The following PRRC2C variants were observed in gnomAD, a reference collection of about 807,000 sequenced individuals.
The protein encoded by PRRC2C is proline rich coiled-coil 2C.
In PRRC2C, 72 loss-of-function variants were observed where a neutral mutation model predicts 317.2. The ratio of observed to expected loss-of-function variants is 0.23; its 90% confidence interval spans 0.19 to 0.28. The LOEUF is 0.28. Among genes scored for constraint, PRRC2C ranks in the 10% least tolerant of loss-of-function variants. The pLI is 1.00. For synonymous variants in PRRC2C, 1,296 were observed against 1,205.9 expected (o/e 1.07, Z -1.55); for missense variants, 3,074 against 3,459.7 (o/e 0.89, Z 2.80).
rs1557970037 is a variant in PRRC2C, at chr1:171,545,648, G to A, written c.4933G>A (p.Val1645Met). 1 of 1,613,184 alleles carries A rather than the reference G, an allele frequency of 6.2e-7. No individual in the cohort carries two copies. The highest frequency in any genetic ancestry group is 2.2e-5 in the East Asian group (1 of 44,866). ...AGGCCCTAAAAAACCAAAAGAGAAA[G>A]TGGATGCTCTATCACAGTTTGATCT... Reference protein sequence around the residue: ...KPGPKKPKEKVDALSQFDLNN... With the variant: ...KPGPKKPKEKMDALSQFDLNN... The change falls in exon 17 of 35, where the codon GTG becomes ATG. Residue 1645 changes from valine (V) to methionine (M), a missense_variant. Val to Met is a conservative substitution (Grantham distance 21). This residue lies in a region of PRRC2C where 178 missense variants were observed against 163.0 expected (regional missense o/e 1.09). Coordinates refer to ENST00000647382, the MANE Select transcript of PRRC2C (RefSeq NM_001387844.1).
rs199711008 is a variant in PRRC2C, at chr1:171,549,073, C to A, written c.4973-1013C>A. On this transcript the variant is annotated intron_variant, in intron 17 of 34. Transcript: ENST00000647382. ...GCCCATAACATATATTTATTTTTAACAACTCCACACTGTAGACAAGGGTCT... is the reference window on the plus strand; with the variant it reads ...GCCCATAACATATATTTATTTTTAAAAACTCCACACTGTAGACAAGGGTCT... Among the ~76,000 whole-genome samples, 3 of 152,326 alleles carry A rather than the reference C, an allele frequency of 2.0e-5. No individual in the cohort carries two copies. In the East Asian group the frequency reaches 5.8e-4, roughly 29 times the overall value.
chr1:171,582,464 T>C (rs1411304731), intron 28 of PRRC2C, among the ~76,000 whole-genome samples: 1 of 152,160 alleles, frequency 6.6e-6, no homozygotes, highest in Non-Finnish European at 1.5e-5. Flanking sequence ...TTCTGAAGTA[T>C]GCATCCTTTT....
chr1:171,502,884 G>A (rs550771414), intron 1 of PRRC2C, among the ~76,000 whole-genome samples: 4 of 152,034 alleles, frequency 2.6e-5, no homozygotes, highest in African/African-American at 4.8e-5. Flanking sequence ...CCACACACCC[G>A]GCTAGTTTTT....
chr1:171,544,644 C>T (rs1474943201), intron 16 of PRRC2C, among the ~76,000 whole-genome samples: 4 of 152,104 alleles, frequency 2.6e-5, no homozygotes, highest in African/African-American at 9.7e-5. Context: ...ATTTTTGTGC[C>T]ATGTAAATCT....
chr1:171,513,161 TGAA>T lies in PRRC2C; in HGVS notation c.286_288del (p.Glu96del), dbSNP rs1671682625. The T allele has an allele frequency of 2.5e-6, 4 of 1,610,508 alleles. No homozygotes were observed. The South Asian group carries it at 4.4e-5, about 18-fold the overall frequency. On this transcript the variant is annotated inframe_deletion, in exon 3 of 35. Coordinates refer to ENST00000647382, the MANE Select transcript of PRRC2C (RefSeq NM_001387844.1). The stretch of plus-strand genomic sequence containing the variant: ...GGTGGGCATCAAAACAAGAGCAACA[TGAA>T]GAAGAAAAGTGAGTCAAAGTCTGTT...
chr1:171,489,435 T>C (rs567401701), intron 1 of PRRC2C, among the ~76,000 whole-genome samples: 2 of 152,324 alleles, frequency 1.3e-5, no homozygotes, highest in Non-Finnish European at 2.9e-5. Flanking sequence ...TGTTAAAAGT[T>C]ATCTTGTAGT....
Position 171,541,847 on chromosome 1 carries a change from G to T in PRRC2C, c.4381G>T (p.Gly1461Cys), listed in dbSNP as rs1221768382. Residue 1461 changes from glycine (G) to cysteine (C), a missense_variant, in exon 16 of 35, where the codon GGC becomes TGC. Around this residue, in one of 11 missense-constraint regions of PRRC2C, gnomAD observed 1,320 missense variants for 1,395.7 expected, o/e 0.95. Coordinates refer to ENST00000647382, the MANE Select transcript of PRRC2C (RefSeq NM_001387844.1). The surrounding 1 kb of genome is among the most constrained non-coding windows in gnomAD (Gnocchi z 4.1). ...SNEVVAVPTN[G>C]TVNNVAQEPV... Reference sequence around the variant, plus strand: ...TGAGGTGGTAGCAGTGCCCACAAATGGCACAGTTAATAATGTGGCTCAAGA... The same window carrying T: ...TGAGGTGGTAGCAGTGCCCACAAATTGCACAGTTAATAATGTGGCTCAAGA... 1.2e-6 allele frequency: 2 copies of T among 1,613,738 alleles called. No individual in the cohort carries two copies. The highest frequency in any genetic ancestry group is 1.7e-6 in the Non-Finnish European group (2 of 1,179,890).
At chr1:171,589,627 A>G (rs1319178843) in intron 34 of PRRC2C, 22 bp downstream of exon 34, 1 of 1,272,236 alleles carries the variant, frequency 7.9e-7, no homozygotes. Context: ...GTTAACAGCC[A>G]ACAGATCAAG....
intron 17 of PRRC2C, among the ~76,000 whole-genome samples, chr1:171,547,048 G>T (rs1423483552): frequency 6.6e-6 from 1 of 152,072 alleles, no homozygotes; most frequent in Non-Finnish European, 1.5e-5. Context: ...CCAACATGGA[G>T]AAACCTTGTC....
At position 171,532,767 on chromosome 1, in the gene PRRC2C, A is replaced by G. The variant is rs1676110342; in HGVS notation, c.1679A>G (p.Glu560Gly). The G allele has an allele frequency of 6.5e-7, 1 of 1,533,358 alleles. No homozygotes were observed. Among genetic ancestry groups the G allele is most frequent in the Non-Finnish European group, 8.7e-7 (1 of 1,143,818 alleles). 95.0% of individuals were successfully genotyped at this position (1,533,358 alleles called of 1,614,324 possible). Reference protein sequence around the residue: ...EQEKQREMEKERKQEKEKELE... With the variant: ...EQEKQREMEKGRKQEKEKELE... ...GAAAAACAAAGAGAAATGGAGAAAGAAAGAAAGCAAGAAAAAGAAAAAGAA... is the reference window on the plus strand; with the variant it reads ...GAAAAACAAAGAGAAATGGAGAAAGGAAGAAAGCAAGAAAAAGAAAAAGAA... Residue 560 changes from glutamate (E) to glycine (G), a missense_variant, in exon 12 of 35, where the codon GAA becomes GGA. Physicochemically the swap from Glu to Gly is moderately conservative, Grantham distance 98. Transcript: ENST00000647382.
rs142186624 is a variant in PRRC2C, at chr1:171,533,657, C to G, written c.1873+696C>G. Among the ~76,000 whole-genome samples the G allele has an allele frequency of 6.4e-3, 968 of 152,220 alleles. 10 individuals carry two copies. Among genetic ancestry groups the G allele is most frequent in the African/African-American group, 0.018 (752 of 41,538 alleles). ...TTGTTGTTTTTGAGACAGAGTCTCTCTCTGTCTCCAGGCTGGAGTGCAGTG... is the reference window on the plus strand; with the variant it reads ...TTGTTGTTTTTGAGACAGAGTCTCTGTCTGTCTCCAGGCTGGAGTGCAGTG... On this transcript the variant is annotated intron_variant, in intron 12 of 34. Coordinates refer to ENST00000647382, the MANE Select transcript of PRRC2C (RefSeq NM_001387844.1).
chr1:171,582,261 G>A (rs955972851), intron 28 of PRRC2C, among the ~76,000 whole-genome samples: 6 of 152,208 alleles, frequency 3.9e-5, no homozygotes, highest in Admixed American at 3.3e-4. Flanking sequence ...TATTCTCACT[G>A]TTCAAAAGGA....
At chr1:171,569,593 T>TATATATATATATATATATATATATATATA (rs1558024214) in intron 23 of PRRC2C, among the ~76,000 whole-genome samples, 1 of 130,640 alleles carries the variant, frequency 7.7e-6, no homozygotes, top group Non-Finnish European at 1.6e-5. Flanking sequence ...TATATATATA[T>TATATATATATATATATATATATATATATA]GGTTTTTTTT....
At chr1:171,514,683 A>G (rs1158342730) in intron 4 of PRRC2C, 38 bp downstream of exon 4, 3 of 1,497,190 alleles carry the variant, frequency 2.0e-6, no homozygotes, top group African/African-American at 1.4e-5. Flanking sequence ...CCTAGGCTTG[A>G]TAGTTACTGA....
intron 13 of PRRC2C, among the ~76,000 whole-genome samples, 155 bp downstream of exon 13, chr1:171,535,752 C>T (rs1183238847): frequency 6.6e-6 from 1 of 152,138 alleles, no homozygotes; most frequent in Non-Finnish European, 1.5e-5. Context: ...TGGGTTTTAC[C>T]TTGACCTTCT....
intron 23 of PRRC2C, 105 bp downstream of exon 23, chr1:171,568,444 C>G: frequency 3.5e-6 from 5 of 1,415,058 alleles, no homozygotes; most frequent in Admixed American, 2.4e-5. Context: ...ATATTTAACT[C>G]AGGGAAAGAG....
At chr1:171,498,468 AC>A (rs1480101591) in intron 1 of PRRC2C, among the ~76,000 whole-genome samples, 1 of 151,910 alleles carries the variant, frequency 6.6e-6, no homozygotes, top group East Asian at 1.9e-4. Flanking sequence ...TGGCCCAATC[AC>A]CTCCTAAAGA....
chr1:171,532,223 G>A lies in PRRC2C; in HGVS notation c.1255-120G>A, dbSNP rs1047530597. ...CCATCTTATGTGTTTTCATTTTAATGTGTATGTTCATCAGAGAAATTTCTG... is the reference window on the plus strand; with the variant it reads ...CCATCTTATGTGTTTTCATTTTAATATGTATGTTCATCAGAGAAATTTCTG... On this transcript the variant is annotated intron_variant, in intron 11 of 34. Coordinates refer to ENST00000647382, the MANE Select transcript of PRRC2C (RefSeq NM_001387844.1). The A allele has an allele frequency of 3.6e-5, 36 of 1,012,526 alleles. No homozygotes were observed. In the African/African-American group the frequency reaches 5.7e-4, roughly 16 times the overall value. 62.7% of individuals were successfully genotyped at this position (1,012,526 alleles called of 1,614,324 possible).
At chr1:171,556,359 C>A (rs540978627) in intron 18 of PRRC2C, among the ~76,000 whole-genome samples, 1 of 152,226 alleles carries the variant, frequency 6.6e-6, no homozygotes, top group South Asian at 2.1e-4. Context: ...AAGAGAAATC[C>A]CCCCACCCCT....
Sources: allele counts gnomAD v4.1 joint callset (sites outside exome capture counted in the v4.1 genomes callset), GRCh38; gene constraint gnomAD v4.1.1; regional missense constraint gnomAD v4.1.1; non-coding constraint Gnocchi (gnomAD v3.1); transcripts MANE v1.5; gene names NCBI Gene and HGNC (gene_info 2026-07-23, HGNC 2026-07-21).